NRXN1: variants seen among roughly 807,000 people sequenced by gnomAD.
The protein encoded by NRXN1 is neurexin-1.
NRXN1 carries 39 observed loss-of-function variants against 150.9 expected under a neutral mutation model. The observed-to-expected ratio is 0.26, with a 90% CI of 0.20 to 0.34. The LOEUF is 0.34. Among genes scored for constraint, NRXN1 ranks in the 10% least tolerant of loss-of-function variants. NRXN1 has a pLI of 1.00. For synonymous variants in NRXN1, 924 were observed against 757.0 expected, an observed-to-expected ratio of 1.22 and a Z score of -3.62; for missense variants, 1,815 against 1,949.9, an observed-to-expected ratio of 0.93 and a Z score of 1.30.
At chr2:50,667,189 T>TAACTA (rs58747153) in intron 5 of NRXN1, among the ~76,000 whole-genome samples, 1 of 151,222 alleles carries the variant, frequency 6.6e-6, no homozygotes, top group South Asian at 2.1e-4. Context: ...TTTACAGACT[T>TAACTA]AGTCAAGTAA....
At chr2:50,873,191 GTT>G (rs1485788153) in intron 5 of NRXN1, among the ~76,000 whole-genome samples, 8 of 151,826 alleles carry the variant, frequency 5.3e-5, no homozygotes, top group Non-Finnish European at 1.2e-4. Flanking sequence ...CCTTGAGGCT[GTT>G]ATAAGGATCA....
At chr2:50,502,238 G>A (rs2091984391) in intron 13 of NRXN1, among the ~76,000 whole-genome samples, 1 of 151,734 alleles carries the variant, frequency 6.6e-6, no homozygotes, top group Non-Finnish European at 1.5e-5. Flanking sequence ...AAGGAAGGAA[G>A]GAAGGAAGGA....
intron 5 of NRXN1, among the ~76,000 whole-genome samples, chr2:50,811,763 A>G (rs1668246000): frequency 1.3e-5 from 2 of 152,200 alleles, no homozygotes; most frequent in Non-Finnish European, 2.9e-5. Flanking sequence ...GAAGATAAAA[A>G]TCTAATAGAG....
chr2:50,417,551 G>C (rs1414722944), intron 17 of NRXN1, among the ~76,000 whole-genome samples: 1 of 151,664 alleles, frequency 6.6e-6, no homozygotes, highest in Non-Finnish European at 1.5e-5. Context: ...CTTGGTAGTA[G>C]GGATTTGCAC....
At chr2:50,625,388 T>C (rs1680833494) in intron 5 of NRXN1, among the ~76,000 whole-genome samples, 1 of 152,084 alleles carries the variant, frequency 6.6e-6, no homozygotes, top group Non-Finnish European at 1.5e-5. Flanking sequence ...TAGCCAAGAC[T>C]ATCAGTCAGA....
chr2:50,504,072 T>C (rs2092095946), intron 13 of NRXN1, among the ~76,000 whole-genome samples: 1 of 145,264 alleles, frequency 6.9e-6, no homozygotes, highest in Admixed American at 7.1e-5. Context: ...ACAATGTTAA[T>C]GTGATGAAAA....
At chr2:50,915,641 C>T (rs1250925350) in intron 5 of NRXN1, among the ~76,000 whole-genome samples, 3 of 151,030 alleles carry the variant, frequency 2.0e-5, no homozygotes, top group Non-Finnish European at 4.4e-5. Context: ...AAAGACAATG[C>T]CAGAATCATA....
intron 2 of NRXN1, among the ~76,000 whole-genome samples, chr2:50,992,309 T>A (rs1051851215): frequency 2.0e-5 from 3 of 152,024 alleles, no homozygotes; most frequent in Admixed American, 1.3e-4. Flanking sequence ...TTATAGAAGT[T>A]AAATAACCTT....
intron 5 of NRXN1, among the ~76,000 whole-genome samples, chr2:50,636,647 T>C (rs1468123401): frequency 6.6e-6 from 1 of 152,140 alleles, no homozygotes; most frequent in Non-Finnish European, 1.5e-5. Context: ...CCCCTACCTC[T>C]TTGTGCTTCT....
At chr2:50,321,721 C>T (rs866030012) in intron 17 of NRXN1, among the ~76,000 whole-genome samples, 1 of 152,172 alleles carries the variant, frequency 6.6e-6, no homozygotes. Flanking sequence ...TTATTAACTT[C>T]ACTTTTCATT....
intron 17 of NRXN1, among the ~76,000 whole-genome samples, chr2:50,266,748 T>A (rs1181410522): frequency 2.6e-5 from 4 of 152,060 alleles, no homozygotes; most frequent in Admixed American, 6.6e-5. Context: ...CCTAACAGAC[T>A]CTTCCCTGGC....
At chr2:50,270,652 T>A (rs575407188) in intron 17 of NRXN1, among the ~76,000 whole-genome samples, 1 of 150,702 alleles carries the variant, frequency 6.6e-6, no homozygotes, top group African/African-American at 2.5e-5. Context: ...TATATTTATA[T>A]GTAAAATGCA....
At chr2:49,966,100 T>C (rs1323205391) in intron 21 of NRXN1, among the ~76,000 whole-genome samples, 1 of 152,202 alleles carries the variant, frequency 6.6e-6, no homozygotes, top group East Asian at 1.9e-4. Context: ...GCATCCATTG[T>C]ATAAAAGCTA....
At chr2:50,994,970 T>A (rs1184084922) in intron 2 of NRXN1, among the ~76,000 whole-genome samples, 1 of 152,074 alleles carries the variant, frequency 6.6e-6, no homozygotes, top group Admixed American at 6.6e-5. Context: ...CTAAAATCAC[T>A]GACGCTTAAA....
chr2:50,280,893 T>C (rs2071344860), intron 17 of NRXN1, among the ~76,000 whole-genome samples: 1 of 152,138 alleles, frequency 6.6e-6, no homozygotes, highest in Non-Finnish European at 1.5e-5. Context: ...TGTTTTAAAG[T>C]ACTGGAGATT....
At chr2:50,001,933 GGCCTTCAAGAAGCAA>G (rs1440064094) in intron 21 of NRXN1, among the ~76,000 whole-genome samples, 4 of 151,982 alleles carry the variant, frequency 2.6e-5, no homozygotes, top group Non-Finnish European at 4.4e-5. Context: ...CTCTCCTGCT[GGCCTTCAAGAAGCAA>G]GCTTCTTGAT....
intron 5 of NRXN1, among the ~76,000 whole-genome samples, chr2:50,798,606 C>T (rs753801557): frequency 6.6e-6 from 1 of 152,142 alleles, no homozygotes; most frequent in Non-Finnish European, 1.5e-5. Flanking sequence ...GGAGAACATT[C>T]TCCCTGCAAT....
chr2:50,581,757 A>C (rs1573637228), intron 8 of NRXN1, among the ~76,000 whole-genome samples: 1 of 152,294 alleles, frequency 6.6e-6, no homozygotes, highest in Non-Finnish European at 1.5e-5. Context: ...CTGGACAATA[A>C]GACATCTAGC....
chr2:50,436,526 T>C (rs2085461102), intron 17 of NRXN1, among the ~76,000 whole-genome samples: 2 of 152,230 alleles, frequency 1.3e-5, no homozygotes, highest in Admixed American at 1.3e-4. Context: ...TACATTGATA[T>C]GAAATGTTTT....
Sources: allele counts gnomAD v4.1 joint callset (sites outside exome capture counted in the v4.1 genomes callset), GRCh38; gene constraint gnomAD v4.1.1; transcripts MANE v1.5; gene names NCBI Gene and HGNC (gene_info 2026-07-23, HGNC 2026-07-21).